Variants in IFIH1 observed in about 807,000 individuals in gnomAD.
IFIH1 encodes the protein interferon induced with helicase C domain 1.
IFIH1 carries 125 observed loss-of-function variants against 107.4 expected under a neutral mutation model. The observed-to-expected ratio is 1.16, with a 90% CI of 1.01 to 1.35. The LOEUF is 1.35. Ranked by LOEUF, IFIH1 falls within the 40% of genes most tolerant of loss-of-function variation. IFIH1 has a pLI of 0.00. For synonymous variants in IFIH1, 458 were observed against 413.2 expected (o/e 1.11, Z -1.31); for missense variants, 1,333 against 1,213.7 (o/e 1.10, Z -1.46).
chr2:162,278,317 T>C lies in IFIH1; in HGVS notation c.1653A>G (p.Lys551=). The C allele has an allele frequency of 7.3e-7, 1 of 1,373,822 alleles. No homozygotes were observed. Among genetic ancestry groups the C allele is most frequent in the Non-Finnish European group, 1.0e-6 (1 of 978,990 alleles). 85.1% of individuals were successfully genotyped at this position (1,373,822 alleles called of 1,614,324 possible). A position where few individuals can be genotyped will look rare whatever the true frequency, so the allele number is the denominator to read the frequency against. The part of the protein sequence containing the change: ...IADATREDPF[K]EKLLEIMTRI... ...TTGTCATTATTTCTAGAAGTTTCTC[T>C]TTAAATGGATCCTAAAAATAAAGTA... Residue 551 remains lysine, a synonymous_variant, in exon 9 of 16, where the codon AAA becomes AAG. Coordinates refer to ENST00000649979, the MANE Select transcript of IFIH1 (RefSeq NM_022168.4).
At chr2:162,317,233 C>T (rs1031886417) in intron 1 of IFIH1, among the ~76,000 whole-genome samples, 1 of 152,106 alleles carries the variant, frequency 6.6e-6, no homozygotes, top group Non-Finnish European at 1.5e-5. Flanking sequence ...AACAAACGAG[C>T]ATGACTGTGT....
intron 1 of IFIH1, among the ~76,000 whole-genome samples, chr2:162,311,293 T>C (rs1207027530): frequency 6.6e-6 from 1 of 152,152 alleles, no homozygotes; most frequent in Non-Finnish European, 1.5e-5. Flanking sequence ...TGCAGCCATG[T>C]TATGTCTATT....
intron 4 of IFIH1, among the ~76,000 whole-genome samples, chr2:162,289,477 G>T (rs905633895): frequency 2.0e-5 from 3 of 151,596 alleles, no homozygotes; most frequent in African/African-American, 7.3e-5. Flanking sequence ...TATATAATAA[G>T]AAGAAAAAAT....
chr2:162,303,939 T>C (rs971328535), intron 3 of IFIH1, among the ~76,000 whole-genome samples: 2 of 152,090 alleles, frequency 1.3e-5, no homozygotes, highest in African/African-American at 4.8e-5. Flanking sequence ...TTACAGAAAA[T>C]GGCCAGTAAC....
chr2:162,288,743 C>T (rs1682940832), intron 4 of IFIH1, among the ~76,000 whole-genome samples: 1 of 151,882 alleles, frequency 6.6e-6, no homozygotes, highest in South Asian at 2.1e-4. Context: ...CCACTATGCC[C>T]TGCTTGTTTC....
chr2:162,287,415 T>C (rs1163931406), intron 5 of IFIH1, among the ~76,000 whole-genome samples: 1 of 152,000 alleles, frequency 6.6e-6, no homozygotes, highest in Non-Finnish European at 1.5e-5. Flanking sequence ...TAATAAACTG[T>C]CATTTATCTG....
chr2:162,279,747 C>A (rs889601125), intron 8 of IFIH1, among the ~76,000 whole-genome samples: 3 of 151,956 alleles, frequency 2.0e-5, no homozygotes, highest in Non-Finnish European at 4.4e-5. Flanking sequence ...CCCTCACTGT[C>A]CCTTTTAACT....
chr2:162,289,780 C>T (rs1293665637), intron 4 of IFIH1, among the ~76,000 whole-genome samples: 5 of 151,984 alleles, frequency 3.3e-5, no homozygotes, highest in East Asian at 3.9e-4. Flanking sequence ...TTTAAGCTAT[C>T]GTTGGATCAT....
At chr2:162,274,896 C>T (rs1007731304) in intron 11 of IFIH1, among the ~76,000 whole-genome samples, 11 of 152,184 alleles carry the variant, frequency 7.2e-5, no homozygotes, top group African/African-American at 2.4e-4. Flanking sequence ...CCTTTCTTCT[C>T]AGAGGCAGTG....
intron 13 of IFIH1, among the ~76,000 whole-genome samples, chr2:162,270,749 C>T (rs573873195): frequency 7.2e-5 from 11 of 152,130 alleles, no homozygotes; most frequent in Non-Finnish European, 1.3e-4. Flanking sequence ...TCTCTTAGGA[C>T]ATTAACTGGG....
intron 5 of IFIH1, among the ~76,000 whole-genome samples, chr2:162,286,408 A>G (rs1682894651): frequency 6.6e-6 from 1 of 151,884 alleles, no homozygotes; most frequent in Non-Finnish European, 1.5e-5. Context: ...GACCTCCTTG[A>G]TATTAGGAAG....
chr2:162,307,079 G>A (rs1576237583), intron 2 of IFIH1: 2 of 434,982 alleles, frequency 4.6e-6, no homozygotes, highest in East Asian at 7.7e-5. Context: ...ACAAAATGGA[G>A]AGCCCGCAAT....
At chr2:162,286,864 T>C (rs1682903408) in intron 5 of IFIH1, among the ~76,000 whole-genome samples, 1 of 151,964 alleles carries the variant, frequency 6.6e-6, no homozygotes, top group Non-Finnish European at 1.5e-5. Context: ...CTAGGCCATA[T>C]ATAATCCAAT....
chr2:162,278,120 T>G (rs1179820248), intron 9 of IFIH1, 85 bp downstream of exon 9: 1 of 1,207,096 alleles, frequency 8.3e-7, no homozygotes, highest in Non-Finnish European at 1.2e-6. Flanking sequence ...TTGCTTTCCA[T>G]TTTTTGGGGA....
chr2:162,315,852 A>C (rs2105235365), intron 1 of IFIH1, among the ~76,000 whole-genome samples: 1 of 152,316 alleles, frequency 6.6e-6, no homozygotes, highest in South Asian at 2.1e-4. Context: ...AATACATGTA[A>C]ATGATGCACA....
At chr2:162,293,255 T>C (rs1262157652) in intron 4 of IFIH1, among the ~76,000 whole-genome samples, 1 of 151,976 alleles carries the variant, frequency 6.6e-6, no homozygotes, top group Non-Finnish European at 1.5e-5. Flanking sequence ...GAATACAGTC[T>C]ATTTAAATGC....
intron 2 of IFIH1, 47 bp from the exon 3 acceptor site, chr2:162,306,902 T>C: frequency 6.5e-7 from 1 of 1,550,138 alleles, no homozygotes; most frequent in Non-Finnish European, 8.9e-7. Context: ...CATACAAGTT[T>C]TTGTAGAGCA....
At chr2:162,302,120 C>A (rs550016367) in intron 3 of IFIH1, among the ~76,000 whole-genome samples, 30 of 152,132 alleles carry the variant, frequency 2.0e-4, no homozygotes, top group African/African-American at 6.0e-4. Context: ...ACCTCTAGTG[C>A]CAAAGGGATA....
chr2:162,270,813 C>G (rs1178970558), intron 13 of IFIH1, among the ~76,000 whole-genome samples: 1 of 152,136 alleles, frequency 6.6e-6, no homozygotes, highest in East Asian at 1.9e-4. Context: ...ATTTGATACT[C>G]TAAAATATTT....
Sources: gnomAD v4.1 joint callset for allele counts (sites outside exome capture counted in the v4.1 genomes callset) on GRCh38, gnomAD v4.1.1 for gene constraint, MANE v1.5 for transcripts, NCBI Gene and HGNC (gene_info 2026-07-23, HGNC 2026-07-21) for gene names.